The following GPC5 variants were observed in gnomAD, a reference collection of about 807,000 sequenced individuals.
GPC5 encodes glypican-5.
Under a neutral mutation model 53.9 loss-of-function variants are expected in GPC5, and 47 were observed. The ratio of observed to expected loss-of-function variants is 0.87; its 90% CI spans 0.69 to 1.11. The LOEUF is 1.11. GPC5 is among the 50% of genes most tolerant of loss of function. GPC5 has a pLI of 0.00. For synonymous variants in GPC5, 286 were observed against 263.3 expected (o/e 1.09, Z -0.84); for missense variants, 748 against 713.1 (o/e 1.05, Z -0.56).
intron 5 of GPC5, among the ~76,000 whole-genome samples, chr13:91,878,936 C>T (rs1243424096): frequency 6.6e-6 from 1 of 152,108 alleles, no homozygotes; most frequent in Non-Finnish European, 1.5e-5. Flanking sequence ...GGACTCAGAT[C>T]AATCTCTGTG....
At chr13:92,821,286 C>A (rs1206606653) in intron 7 of GPC5, among the ~76,000 whole-genome samples, 1 of 152,150 alleles carries the variant, frequency 6.6e-6, no homozygotes, top group Non-Finnish European at 1.5e-5. Flanking sequence ...GGACTTCAGG[C>A]AAATATTTTA....
chr13:91,860,772 G>A (rs746981530), intron 5 of GPC5, among the ~76,000 whole-genome samples: 29 of 152,022 alleles, frequency 1.9e-4, no homozygotes, highest in Non-Finnish European at 3.2e-4. Context: ...AAAGTGCTGG[G>A]ATTACAGGCA....
chr13:91,769,602 A>ACAT (rs2037585105), intron 5 of GPC5, among the ~76,000 whole-genome samples: 1 of 152,198 alleles, frequency 6.6e-6, no homozygotes, highest in East Asian at 1.9e-4. Context: ...AAGGAACAGA[A>ACAT]GGGAAATCAG....
chr13:92,661,963 C>T (rs1300006789), intron 7 of GPC5, among the ~76,000 whole-genome samples: 1 of 152,142 alleles, frequency 6.6e-6, no homozygotes, highest in Non-Finnish European at 1.5e-5. Context: ...TTCCCTCTCC[C>T]CATTCCATAT....
intron 7 of GPC5, among the ~76,000 whole-genome samples, chr13:92,294,422 G>A (rs2043019230): frequency 6.6e-6 from 1 of 152,072 alleles, no homozygotes; most frequent in Non-Finnish European, 1.5e-5. Context: ...CCTGATTTAA[G>A]CTAGGAGGGT....
chr13:91,902,154 A>G (rs1594652011), intron 5 of GPC5, among the ~76,000 whole-genome samples: 1 of 152,028 alleles, frequency 6.6e-6, no homozygotes, highest in East Asian at 1.9e-4. Context: ...ACATCAGAAT[A>G]CTATACTTTT....
intron 7 of GPC5, among the ~76,000 whole-genome samples, chr13:92,523,732 G>A (rs530735121): frequency 6.6e-6 from 1 of 152,076 alleles, no homozygotes; most frequent in South Asian, 2.1e-4. Flanking sequence ...TTGTATTATA[G>A]TATCAATACT....
Position 92,444,694 on chromosome 13 carries a change from G to A in GPC5, c.1561+299705G>A, listed in dbSNP as rs76300599. 6.1e-3 allele frequency among the ~76,000 whole-genome samples: 603 copies of A among 99,422 alleles called. 4 individuals are homozygous for A. The highest frequency in any genetic ancestry group is 0.021 in the African/African-American group (563 of 26,460). 65.2% of individuals were successfully genotyped at this position (99,422 alleles called of 152,430 possible). The stretch of plus-strand genomic sequence containing the variant: ...AGTGAGTACACAGAGGAAGAAAAGA[G>A]AAGAGTGGATTCCTGAAATCTAAAA... On this transcript the variant is annotated intron_variant, in intron 7 of 7. Transcript: ENST00000377067.
intron 2 of GPC5, among the ~76,000 whole-genome samples, chr13:91,616,093 C>T (rs1327702506): frequency 1.3e-5 from 2 of 152,012 alleles, no homozygotes; most frequent in African/African-American, 2.4e-5. Context: ...TATTAATCTG[C>T]TGGTAAGTGA....
chr13:91,585,463 A>T (rs1000623243), intron 2 of GPC5, among the ~76,000 whole-genome samples: 4 of 152,234 alleles, frequency 2.6e-5, no homozygotes, highest in Non-Finnish European at 5.9e-5. Context: ...AGCAATGAAT[A>T]TGAATGTACT....
At chr13:91,847,111 C>CCT (rs2038858867) in intron 5 of GPC5, among the ~76,000 whole-genome samples, 1 of 147,516 alleles carries the variant, frequency 6.8e-6, no homozygotes, top group African/African-American at 2.5e-5. Context: ...CCCAGCTACT[C>CCT]GGGAGGCTGA....
At chr13:91,498,239 AT>A (rs60732957) in intron 2 of GPC5, among the ~76,000 whole-genome samples, 4,168 of 110,126 alleles carry the variant, frequency 0.038, 112 homozygotes, top group African/African-American at 0.12. Flanking sequence ...CTACCCAAAG[AT>A]TTTTTTTTTT....
At chr13:92,528,489 T>C (rs1016725403) in intron 7 of GPC5, among the ~76,000 whole-genome samples, 2 of 152,036 alleles carry the variant, frequency 1.3e-5, no homozygotes, top group African/African-American at 4.8e-5. Flanking sequence ...ATACAATTTA[T>C]ATTAATGTCT....
rs562346306 is a variant in GPC5, at chr13:92,500,253, T to C, written c.1561+355264T>C. ...ATAACGTACAGTGACACAGATATTATGCTTGTCAGTCTGGCTGAGAATCCA... is the reference window on the plus strand; with the variant it reads ...ATAACGTACAGTGACACAGATATTACGCTTGTCAGTCTGGCTGAGAATCCA... On this transcript the variant is annotated intron_variant, in intron 7 of 7. Coordinates refer to ENST00000377067, the MANE Select transcript of GPC5 (RefSeq NM_004466.6). Among the ~76,000 whole-genome samples, 10 of 152,258 alleles carry C rather than the reference T, an allele frequency of 6.6e-5. 1 individual carries two copies. The highest frequency in any genetic ancestry group is 2.2e-4 in the African/African-American group (9 of 41,538).
chr13:92,286,891 A>G (rs1276549859), intron 7 of GPC5, among the ~76,000 whole-genome samples: 1 of 152,176 alleles, frequency 6.6e-6, no homozygotes, highest in African/African-American at 2.4e-5. Context: ...CAATTAAAAT[A>G]TCACTAGTAA....
intron 7 of GPC5, among the ~76,000 whole-genome samples, chr13:92,148,628 T>C (rs562259047): frequency 5.9e-5 from 9 of 152,216 alleles, no homozygotes; most frequent in African/African-American, 2.2e-4. Flanking sequence ...TTCATTTACA[T>C]AGATATAGAT....
intron 5 of GPC5, among the ~76,000 whole-genome samples, chr13:91,763,575 C>T (rs1224301774): frequency 1.3e-5 from 2 of 152,158 alleles, no homozygotes; most frequent in Non-Finnish European, 2.9e-5. Flanking sequence ...CTACAGAATT[C>T]ATCACATTGC....
chr13:92,829,540 A>G (rs1594534503), intron 7 of GPC5, among the ~76,000 whole-genome samples: 1 of 152,148 alleles, frequency 6.6e-6, no homozygotes. Context: ...AAATCATATG[A>G]CAGCCCCCTT....
intron 7 of GPC5, among the ~76,000 whole-genome samples, chr13:92,257,546 A>ATTTGTTTTTTTTTTTTTTTTTTT (rs2042735168): frequency 1.4e-5 from 1 of 72,966 alleles, no homozygotes; most frequent in African/African-American, 7.7e-5. Context: ...TAATACAGGG[A>ATTTGTTTTTTTTTTTTTTTTTTT]TTTTTTTTTT....
Sources: allele counts gnomAD v4.1 joint callset (sites outside exome capture counted in the v4.1 genomes callset), GRCh38; gene constraint gnomAD v4.1.1; transcripts MANE v1.5; gene names NCBI Gene and HGNC (gene_info 2026-07-23, HGNC 2026-07-21).